The following RAPGEF5 variants were observed in gnomAD, a reference collection of about 807,000 sequenced individuals.
RAPGEF5 encodes the protein M-Ras-regulated GEF.
Under a neutral mutation model 125.2 loss-of-function variants are expected in RAPGEF5, and 65 were observed. The ratio of observed to expected loss-of-function variants is 0.52; its 90% CI spans 0.43 to 0.64. RAPGEF5 has a LOEUF of 0.64. Among genes scored for constraint, RAPGEF5 ranks in the 30% least tolerant of loss-of-function variants. The probability of loss-of-function intolerance (pLI) is 0.00; values close to 1 mark genes in which losing one functional copy is unlikely to be tolerated. For missense variants in RAPGEF5, 958 were observed against 1,048.1 expected (o/e 0.91, Z 1.19); for synonymous variants, 391 against 385.9 (o/e 1.01, Z -0.16).
At chr7:22,158,909 T>C (rs138368017) in intron 14 of RAPGEF5, among the ~76,000 whole-genome samples, 3,595 of 152,330 alleles carry the variant, frequency 0.024, 51 homozygotes, top group Middle Eastern at 0.065. Flanking sequence ...GCTGGGATTA[T>C]AGGTGTGAGT....
chr7:22,190,524 T>C (rs1238985404), intron 11 of RAPGEF5, among the ~76,000 whole-genome samples: 2 of 152,240 alleles, frequency 1.3e-5, no homozygotes, highest in Admixed American at 6.5e-5. Flanking sequence ...TGAATTTAGT[T>C]GTTTCCTATT....
chr7:22,240,436 A>G (rs1786300415), intron 7 of RAPGEF5, among the ~76,000 whole-genome samples: 1 of 151,788 alleles, frequency 6.6e-6, no homozygotes. Context: ...CAGTGGCGCC[A>G]TCTCGGCTCA....
chr7:22,156,777 C>T (rs1172968422), intron 16 of RAPGEF5, 33 bp downstream of exon 16: 1 of 1,611,266 alleles, frequency 6.2e-7, no homozygotes, highest in East Asian at 2.2e-5. Flanking sequence ...AACTGCTGCC[C>T]ACCCCCAAAC....
intron 1 of RAPGEF5, among the ~76,000 whole-genome samples, chr7:22,329,266 A>T (rs1783869454): frequency 6.6e-6 from 1 of 150,920 alleles, no homozygotes. Flanking sequence ...AATTTTTTTC[A>T]AAGAGGCCCC....
At chr7:22,157,738 G>C (rs144369114) in intron 15 of RAPGEF5, 117 bp downstream of exon 15, 4 of 1,165,304 alleles carry the variant, frequency 3.4e-6, no homozygotes, top group Non-Finnish European at 5.0e-6. Context: ...CAGGCGCCCC[G>C]CCTTGTCGTG....
chr7:22,294,224 A>G (rs1392315938), intron 5 of RAPGEF5, among the ~76,000 whole-genome samples: 1 of 152,236 alleles, frequency 6.6e-6, no homozygotes, highest in African/African-American at 2.4e-5. Context: ...AATGACAGTG[A>G]CAAGTGACAT....
chr7:22,200,951 T>C (rs1284083100), intron 9 of RAPGEF5, among the ~76,000 whole-genome samples: 4 of 152,212 alleles, frequency 2.6e-5, no homozygotes, highest in Admixed American at 6.5e-5. Context: ...TGACAGATCA[T>C]TCTGGATACT....
rs980236969 is a variant in RAPGEF5 at position 22,121,124 on chromosome 7, A to T, written c.*1282T>A. 6.6e-6 allele frequency: 1 copy of T among 151,922 alleles called. No homozygotes were observed. Among genetic ancestry groups the T allele is most frequent in the Non-Finnish European group, 1.5e-5 (1 of 67,976 alleles). The allele number at this position is 151,922 out of a possible 1,614,324, so 9.4% of individuals were successfully genotyped here. On this transcript the variant is annotated 3_prime_UTR_variant, in exon 26 of 26. Coordinates refer to ENST00000665637, the MANE Select transcript of RAPGEF5 (RefSeq NM_012294.5). ...TTTTGTTCATGTGAAGGTTGAAAGA[A>T]ATCCTCTAACCAGTCCTTGAAAATA...
chr7:22,315,422 C>T lies in RAPGEF5; in HGVS notation c.337G>A (p.Val113Ile), dbSNP rs190470489. 3.1e-5 allele frequency: 47 copies of T among 1,534,748 alleles called. No homozygotes were observed. The highest frequency in any genetic ancestry group is 3.4e-4 in the Middle Eastern group (2 of 5,908). Reference sequence around the variant, plus strand: ...TCCTTTATCAGGTCAGCTGCTTGAACGATAATAATATTCCTCAATGCTCTT... The same window carrying T: ...TCCTTTATCAGGTCAGCTGCTTGAATGATAATAATATTCCTCAATGCTCTT... ...AGRALRNIII[V>I]QAADLIKDRV... The change falls in exon 3 of 26, where the codon GTT (valine) becomes ATT (isoleucine). Residue 113 changes from valine to isoleucine, a missense_variant. Transcript: ENST00000665637.
chr7:22,164,617 T>TA (rs1784105806), intron 12 of RAPGEF5, among the ~76,000 whole-genome samples: 1 of 152,196 alleles, frequency 6.6e-6, no homozygotes, highest in Admixed American at 6.5e-5. Context: ...GATATATATT[T>TA]AAAATATATT....
At chr7:22,213,045 A>G (rs940297242) in intron 9 of RAPGEF5, among the ~76,000 whole-genome samples, 3 of 152,248 alleles carry the variant, frequency 2.0e-5, no homozygotes, top group Non-Finnish European at 4.4e-5. Flanking sequence ...AATCAAACAA[A>G]CTGAGCCAGT....
intron 4 of RAPGEF5, 51 bp from the exon 5 acceptor site, chr7:22,308,558 G>C: frequency 2.3e-6 from 3 of 1,310,248 alleles, no homozygotes; most frequent in South Asian, 1.6e-5. Flanking sequence ...ATATTACTCA[G>C]AGAGTAATAA....
At chr7:22,322,355 C>T (rs986175961) in intron 1 of RAPGEF5, among the ~76,000 whole-genome samples, 1 of 151,878 alleles carries the variant, frequency 6.6e-6, no homozygotes, top group Non-Finnish European at 1.5e-5. Context: ...CCCTATTGCC[C>T]AAGCTGGTCT....
intron 16 of RAPGEF5, among the ~76,000 whole-genome samples, chr7:22,155,845 T>C (rs1783788274): frequency 6.6e-6 from 1 of 152,224 alleles, no homozygotes; most frequent in South Asian, 2.1e-4. Context: ...CTAAATAAAC[T>C]GATAAAAAGA....
intron 19 of RAPGEF5, among the ~76,000 whole-genome samples, chr7:22,146,232 A>G (rs1783435746): frequency 2.0e-5 from 3 of 152,214 alleles, no homozygotes; most frequent in Admixed American, 1.3e-4. Context: ...AAATTTCACT[A>G]CATGGCGAAG....
At chr7:22,197,152 C>G (rs1044542406) in intron 9 of RAPGEF5, among the ~76,000 whole-genome samples, 3 of 152,130 alleles carry the variant, frequency 2.0e-5, no homozygotes, top group South Asian at 2.1e-4. Context: ...GATGGTAAGT[C>G]TAAGAAAAAG....
chr7:22,309,277 A>C (rs10499551), intron 4 of RAPGEF5, among the ~76,000 whole-genome samples: 10,452 of 152,284 alleles, frequency 0.069, 484 homozygotes, highest in South Asian at 0.16. Flanking sequence ...CTATCTAAGA[A>C]GATTACACCC....
chr7:22,218,317 C>T (rs766278539), intron 9 of RAPGEF5, among the ~76,000 whole-genome samples: 9 of 152,116 alleles, frequency 5.9e-5, no homozygotes, highest in Non-Finnish European at 1.0e-4. Flanking sequence ...AAGCCTAAAG[C>T]TTATGATCTC....
Position 22,318,021 on chromosome 7 carries a change from A to T in RAPGEF5, c.248T>A (p.Ile83Lys). 1 of 1,543,688 alleles carries T rather than the reference A, an allele frequency of 6.5e-7. No individual in the cohort carries two copies. Among genetic ancestry groups the T allele is most frequent in the Non-Finnish European group, 8.7e-7 (1 of 1,145,080 alleles). The change falls in exon 2 of 26, where the codon ATA becomes AAA. Residue 83 changes from isoleucine to lysine, a missense_variant. Physicochemically the swap from Ile to Lys is moderately radical, Grantham distance 102. Transcript: ENST00000665637. ...CGTATGTTCAAGGTACGGATTAGATATTCTTCTTGATAGAGTCTATTTTAA... is the reference window on the plus strand; with the variant it reads ...CGTATGTTCAAGGTACGGATTAGATTTTCTTCTTGATAGAGTCTATTTTAA... ...AAGGRTLSRR[I>K]SNPYLEHTPS...
Sources: allele counts gnomAD v4.1 joint callset (sites outside exome capture counted in the v4.1 genomes callset), GRCh38; gene constraint gnomAD v4.1.1; transcripts MANE v1.5; gene names NCBI Gene and HGNC (gene_info 2026-07-23, HGNC 2026-07-21).